Variants in MYPN observed in about 807,000 individuals in gnomAD.
MYPN encodes myopalladin, also known as sarcomeric protein myopalladin, 145 kDa (MYOP).
MYPN carries 63 observed loss-of-function variants against 129.4 expected under a neutral mutation model. The observed-to-expected ratio is 0.49, with a 90% CI of 0.40 to 0.60. The LOEUF (loss-of-function observed/expected upper bound fraction) is 0.60, where lower values mean the gene tolerates loss of function less well. Among genes scored for constraint, MYPN ranks in the 20% least tolerant of loss-of-function variants. The probability of loss-of-function intolerance (pLI) is 0.00; values close to 1 mark genes in which losing one functional copy is unlikely to be tolerated. For synonymous variants in MYPN, 629 were observed against 600.9 expected, an observed-to-expected ratio of 1.05 and a Z score of -0.68; for missense variants, 1,596 against 1,635.4, an observed-to-expected ratio of 0.98 and a Z score of 0.42.
chr10:68,198,721 G>A (rs1021772500), intron 16 of MYPN, among the ~76,000 whole-genome samples: 2 of 152,160 alleles, frequency 1.3e-5, no homozygotes, highest in African/African-American at 4.8e-5. Flanking sequence ...AAGAGCTCTG[G>A]TTTAATATCT....
Position 68,199,417 on chromosome 10 carries a change from C to T in MYPN, c.3335C>T (p.Pro1112Leu), listed in dbSNP as rs71534278. Residue 1112 changes from proline (P) to leucine (L), a missense_variant, in exon 17 of 20, where the codon CCT becomes CTT. By Grantham distance (98) the Pro-to-Leu change is moderately conservative. Transcript: ENST00000358913. ...CTGACATGGCTACTCAATGGCCAAC[C>T]TGTGCTACCAGATGCCTCCCACAAG... ...PELTWLLNGQ[P>L]VLPDASHKML... is the part of the protein sequence containing the mutation. The T allele has an allele frequency of 2.4e-3, 3,888 of 1,614,168 alleles. 17 individuals are homozygous for T. The Middle Eastern group carries it at 0.025, about 11-fold the overall frequency.
At chr10:68,121,327 A>C in intron 1 of MYPN, 111 bp from the exon 2 acceptor site, 1 of 914,688 alleles carries the variant, frequency 1.1e-6, no homozygotes, top group Non-Finnish European at 1.6e-6. Context: ...AAATTAGGCA[A>C]TTCTTTATTT....
intron 1 of MYPN, among the ~76,000 whole-genome samples, chr10:68,095,950 G>A (rs2041954584): frequency 6.6e-6 from 1 of 151,804 alleles, no homozygotes. Context: ...AATCCAGAAT[G>A]GAAAAAAAAT....
chr10:68,188,244 G>A (rs1364954577), intron 12 of MYPN, among the ~76,000 whole-genome samples: 1 of 152,040 alleles, frequency 6.6e-6, no homozygotes, highest in Non-Finnish European at 1.5e-5. Flanking sequence ...CCAGTAGCTG[G>A]GATTATAGGT....
chr10:68,159,603 T>C (rs576088938), intron 7 of MYPN, among the ~76,000 whole-genome samples: 1 of 152,236 alleles, frequency 6.6e-6, no homozygotes, highest in Non-Finnish European at 1.5e-5. Context: ...TGTCATGCAG[T>C]GCTTTCTCCT....
intron 10 of MYPN, among the ~76,000 whole-genome samples, chr10:68,171,625 G>T (rs1299236977): frequency 6.6e-6 from 1 of 152,214 alleles, no homozygotes; most frequent in Non-Finnish European, 1.5e-5. Flanking sequence ...CTGAGCAGGT[G>T]CCTAAAGCAG....
intron 10 of MYPN, among the ~76,000 whole-genome samples, chr10:68,171,532 C>T (rs1448025687): frequency 6.6e-6 from 1 of 152,124 alleles, no homozygotes; most frequent in Non-Finnish European, 1.5e-5. Flanking sequence ...GATTCTGAGG[C>T]CCAGTAAAGT....
intron 10 of MYPN, among the ~76,000 whole-genome samples, chr10:68,169,262 G>A (rs1276321419): frequency 6.6e-6 from 1 of 150,454 alleles, no homozygotes; most frequent in Non-Finnish European, 1.5e-5. Context: ...GGAGGCTGAG[G>A]CGGGAGAATG....
intron 12 of MYPN, among the ~76,000 whole-genome samples, chr10:68,177,041 T>C (rs1192183881): frequency 6.6e-6 from 1 of 152,238 alleles, no homozygotes; most frequent in Non-Finnish European, 1.5e-5. Context: ...AATTAGAGCC[T>C]TGTAAAAACA....
chr10:68,197,426 C>T lies in MYPN; in HGVS notation c.3233C>T (p.Ala1078Val), dbSNP rs794729075. ...ERFFRPHFLQAPGDMVAHEGR... is the reference protein window; with the variant it reads ...ERFFRPHFLQVPGDMVAHEGR... ...TTTTTCCGACCACATTTCCTGCAGG[C>T]TCCTGGGGATATGGTAGCTCATGAG... The change falls in exon 16 of 20, where the codon GCT becomes GTT. Residue 1078 changes from alanine to valine, a missense_variant. Transcript: ENST00000358913. 3 of 1,614,016 alleles carry T rather than the reference C, an allele frequency of 1.9e-6. No individual in the cohort carries two copies. The highest frequency in any genetic ancestry group is 2.5e-6 in the Non-Finnish European group (3 of 1,179,970).
At chr10:68,138,602 T>C (rs2042525002) in intron 2 of MYPN, among the ~76,000 whole-genome samples, 1 of 152,166 alleles carries the variant, frequency 6.6e-6, no homozygotes, top group South Asian at 2.1e-4. Context: ...TTGTATTATA[T>C]AAAAATAGTT....
intron 17 of MYPN, among the ~76,000 whole-genome samples, chr10:68,200,888 A>G (rs1281657438): frequency 4.6e-5 from 7 of 152,204 alleles, no homozygotes; most frequent in African/African-American, 1.7e-4. Flanking sequence ...AAAACAGGAA[A>G]AACTCATTCT....
At position 68,175,356 on chromosome 10, in the gene MYPN, G is replaced by T. The variant is rs763397921; in HGVS notation, c.2598G>T (p.Lys866Asn). 4.3e-6 allele frequency: 7 copies of T among 1,613,936 alleles called. No individual in the cohort carries two copies. The highest frequency in any genetic ancestry group is 5.9e-6 in the Non-Finnish European group (7 of 1,179,984). ...AGGGATTAGCGAAGAAAAATACAAAGTCTCCTCAACCAGTGAATGATGATA... is the reference window on the plus strand; with the variant it reads ...AGGGATTAGCGAAGAAAAATACAAATTCTCCTCAACCAGTGAATGATGATA... Reference protein sequence around the residue: ...PSQGLAKKNTKSPQPVNDDNI... With the variant: ...PSQGLAKKNTNSPQPVNDDNI... The change falls in exon 12 of 20, where the codon AAG (lysine) becomes AAT (asparagine). Residue 866 changes from lysine to asparagine, a missense_variant. Transcript: ENST00000358913.
At chr10:68,137,163 CA>C (rs375005063) in intron 2 of MYPN, among the ~76,000 whole-genome samples, 1 of 151,790 alleles carries the variant, frequency 6.6e-6, no homozygotes, top group Non-Finnish European at 1.5e-5. Context: ...CCAAAATGAA[CA>C]AAAAAACCAT....
chr10:68,172,324 C>T (rs1286005659), intron 10 of MYPN, among the ~76,000 whole-genome samples: 3 of 152,222 alleles, frequency 2.0e-5, no homozygotes, highest in African/African-American at 7.2e-5. Flanking sequence ...CACTGTACTC[C>T]AGCCTAGGTG....
chr10:68,106,880 C>A, upstream of MYPN: 1 of 707,058 alleles, frequency 1.4e-6, no homozygotes, highest in Non-Finnish European at 2.6e-6. Flanking sequence ...GTTCAAACCA[C>A]AAGAAACACA....
Position 68,122,291 on chromosome 10 carries a change from C to G in MYPN, c.853C>G (p.Arg285Gly). The stretch of plus-strand genomic sequence containing the variant: ...GAGCAGAGAAGTTCCAGAAGGAACT[C>G]GAGTACAGTTGGATTGCATAGTGGT... Reference protein sequence around the residue: ...LRSREVPEGTRVQLDCIVVGI... With the variant: ...LRSREVPEGTGVQLDCIVVGI... Residue 285 changes from arginine to glycine, a missense_variant, in exon 2 of 20, where the codon CGA (arginine) becomes GGA (glycine). Transcript: ENST00000358913. The G allele has an allele frequency of 1.9e-6, 3 of 1,613,972 alleles. No homozygotes were observed. Among genetic ancestry groups the G allele is most frequent in the Non-Finnish European group, 2.5e-6 (3 of 1,179,984 alleles).
At chr10:68,200,641 C>T (rs1355916114) in intron 17 of MYPN, among the ~76,000 whole-genome samples, 1 of 151,984 alleles carries the variant, frequency 6.6e-6, no homozygotes, top group African/African-American at 2.4e-5. Context: ...ACCTGTAATC[C>T]CAGCTACTAG....
At chr10:68,147,405 C>T (rs1312469391) in intron 4 of MYPN, among the ~76,000 whole-genome samples, 2 of 152,222 alleles carry the variant, frequency 1.3e-5, no homozygotes, top group Non-Finnish European at 2.9e-5. Flanking sequence ...GATCCACCCA[C>T]TTCAACCTCC....
Sources: allele counts gnomAD v4.1 joint callset (sites outside exome capture counted in the v4.1 genomes callset), GRCh38; gene constraint gnomAD v4.1.1; transcripts MANE v1.5; gene names NCBI Gene and HGNC (gene_info 2026-07-23, HGNC 2026-07-21).